Variants in SORCS1 observed in about 807,000 individuals in gnomAD.
The protein encoded by SORCS1 is sortilin related VPS10 domain containing receptor 1.
In SORCS1, 60 loss-of-function variants were observed where a neutral mutation model predicts 146.1. The ratio of observed to expected loss-of-function variants is 0.41; its 90% CI spans 0.33 to 0.51. The LOEUF (loss-of-function observed/expected upper bound fraction) is 0.51. Among genes scored for constraint, SORCS1 ranks in the 20% least tolerant of loss-of-function variants. SORCS1 has a pLI of 0.21. For synonymous variants in SORCS1, 637 were observed against 584.0 expected, an observed-to-expected ratio of 1.09 and a Z score of -1.31; for missense variants, 1,352 against 1,487.6, an observed-to-expected ratio of 0.91 and a Z score of 1.50.
intron 1 of SORCS1, among the ~76,000 whole-genome samples, chr10:107,138,695 C>A (rs1967545815): frequency 6.6e-6 from 1 of 152,136 alleles, no homozygotes; most frequent in Non-Finnish European, 1.5e-5. Context: ...TTCATAAGTG[C>A]ACTTCATGTG....
chr10:106,618,405 C>G, intron 20 of SORCS1, 133 bp from the exon 21 acceptor site: 8 of 1,063,682 alleles, frequency 7.5e-6, no homozygotes, highest in Non-Finnish European at 9.3e-6. Context: ...GGCACTGAGT[C>G]CCTCTATGCC....
At chr10:106,910,308 T>C (rs1290348288) in intron 2 of SORCS1, among the ~76,000 whole-genome samples, 1 of 131,112 alleles carries the variant, frequency 7.6e-6, no homozygotes, top group Non-Finnish European at 1.6e-5. Flanking sequence ...TGTGTGTGTG[T>C]GTGTGTGAGA....
intron 3 of SORCS1, among the ~76,000 whole-genome samples, chr10:106,793,070 T>C (rs1157622714): frequency 6.6e-6 from 1 of 152,162 alleles, no homozygotes; most frequent in African/African-American, 2.4e-5. Flanking sequence ...AAAAAGACAC[T>C]AAATGCCTTA....
At chr10:106,842,758 C>G (rs1949106645) in intron 2 of SORCS1, among the ~76,000 whole-genome samples, 1 of 151,574 alleles carries the variant, frequency 6.6e-6, no homozygotes, top group Non-Finnish European at 1.5e-5. Context: ...GGATTGCAGG[C>G]ATGTGTCACC....
At chr10:106,776,867 C>T (rs1031779921) in intron 3 of SORCS1, among the ~76,000 whole-genome samples, 175 bp from the exon 4 acceptor site, 1 of 152,162 alleles carries the variant, frequency 6.6e-6, no homozygotes, top group African/African-American at 2.4e-5. Flanking sequence ...ATCAATGCTA[C>T]AGAAATATTT....
intron 1 of SORCS1, among the ~76,000 whole-genome samples, chr10:106,963,550 T>A (rs1484096180): frequency 6.6e-6 from 1 of 152,186 alleles, no homozygotes; most frequent in South Asian, 2.1e-4. Context: ...ACTTTCCAAC[T>A]TAAACAGAGG....
chr10:106,669,904 TAA>T (rs558231914), intron 16 of SORCS1, among the ~76,000 whole-genome samples: 24 of 152,344 alleles, frequency 1.6e-4, no homozygotes, highest in African/African-American at 5.3e-4. Flanking sequence ...ATGTCTACCA[TAA>T]GAGAAGGCTT....
intron 1 of SORCS1, among the ~76,000 whole-genome samples, chr10:107,136,719 G>A (rs1967331359): frequency 6.6e-6 from 1 of 152,126 alleles, no homozygotes; most frequent in Non-Finnish European, 1.5e-5. Flanking sequence ...GCACAGGGAG[G>A]TGAAACATCA....
chr10:106,642,211 G>C (rs1358476221), intron 18 of SORCS1, among the ~76,000 whole-genome samples: 1 of 152,188 alleles, frequency 6.6e-6, no homozygotes, highest in African/African-American at 2.4e-5. Flanking sequence ...AAGACTGTAG[G>C]AGAAAGTTGA....
At chr10:107,074,583 T>C (rs1490451977) in intron 1 of SORCS1, among the ~76,000 whole-genome samples, 1 of 152,198 alleles carries the variant, frequency 6.6e-6, no homozygotes, top group Non-Finnish European at 1.5e-5. Flanking sequence ...TGCTGGATCA[T>C]TTGGTAAGAG....
chr10:106,888,570 C>T (rs992060362), intron 2 of SORCS1, among the ~76,000 whole-genome samples: 2 of 152,150 alleles, frequency 1.3e-5, no homozygotes, highest in Non-Finnish European at 2.9e-5. Flanking sequence ...ATCAATTAGC[C>T]TTGGTTACAT....
chr10:107,006,764 C>T (rs577766214), intron 1 of SORCS1, among the ~76,000 whole-genome samples: 4 of 152,298 alleles, frequency 2.6e-5, no homozygotes, highest in African/African-American at 4.8e-5. Context: ...TTGCAGTGAG[C>T]CGAGATTGTG....
In SORCS1 at chr10:107,164,372, G is replaced by A. The variant is rs543241575; in HGVS notation, c.155C>T (p.Thr52Ile). ...CCCCTGGTGGGAAAAGCCCCTAGGGGTCGAGGCCGAGCGTGGAGCGGAGCT... is the reference window on the plus strand; with the variant it reads ...CCCCTGGTGGGAAAAGCCCCTAGGGATCGAGGCCGAGCGTGGAGCGGAGCT... ...HPSSAPRSAS[T>I]PRGFSHQGRP... is the part of the protein sequence containing the mutation. The change falls in exon 1 of 26, where the codon ACC becomes ATC. Residue 52 changes from threonine (T) to isoleucine (I), a missense_variant. Coordinates refer to ENST00000263054, the MANE Select transcript of SORCS1 (RefSeq NM_052918.5). This position sits in a 1 kb window ranked among gnomAD's most constrained non-coding sequence, Gnocchi z 6.8. 1.2e-3 allele frequency: 1,740 copies of A among 1,476,708 alleles called. 7 individuals are homozygous for A. The highest frequency in any genetic ancestry group is 6.8e-3 in the South Asian group (507 of 74,934). 91.5% of individuals were successfully genotyped at this position (1,476,708 alleles called of 1,614,324 possible). A position where few individuals can be genotyped will look rare whatever the true frequency, so the allele number is the denominator to read the frequency against.
At chr10:106,985,319 C>CGTTATAAACGTATTT (rs1326312133) in intron 1 of SORCS1, among the ~76,000 whole-genome samples, 71 of 152,186 alleles carry the variant, frequency 4.7e-4, no homozygotes, top group African/African-American at 1.4e-3. Flanking sequence ...ACGTTATAAA[C>CGTTATAAACGTATTT]CAAGTTGAAG....
intron 2 of SORCS1, among the ~76,000 whole-genome samples, chr10:106,897,844 A>G (rs1235138210): frequency 6.6e-6 from 1 of 152,228 alleles, no homozygotes; most frequent in African/African-American, 2.4e-5. Flanking sequence ...TTGAACTTTG[A>G]GAAACATAAG....
rs181629283 is a variant in SORCS1, at chr10:106,976,425, G to A, written c.559-19845C>T. ...CGGCTCACTGCAAGCTCCGCCTCCC[G>A]GGTTCACGCCATTCTCCTGCCTTAG... On this transcript the variant is annotated intron_variant, in intron 1 of 25. Coordinates refer to ENST00000263054, the MANE Select transcript of SORCS1 (RefSeq NM_052918.5). Among the ~76,000 whole-genome samples the A allele has an allele frequency of 1.2e-3, 171 of 146,294 alleles. 1 individual carries two copies. The highest frequency in any genetic ancestry group is 3.2e-3 in the African/African-American group (127 of 40,140).
intron 1 of SORCS1, among the ~76,000 whole-genome samples, chr10:107,141,841 G>C (rs1424007090): frequency 1.3e-5 from 2 of 152,190 alleles, no homozygotes; most frequent in Non-Finnish European, 2.9e-5. Flanking sequence ...GTGATTTTCT[G>C]TCTGTGGCAC....
At chr10:107,130,837 T>G (rs1033267026) in intron 1 of SORCS1, among the ~76,000 whole-genome samples, 106 of 152,260 alleles carry the variant, frequency 7.0e-4, no homozygotes, top group African/African-American at 2.5e-3. Flanking sequence ...ACAATCCAGT[T>G]GCGGTAAGTA....
intron 1 of SORCS1, among the ~76,000 whole-genome samples, chr10:107,156,375 T>C (rs1969283619): frequency 6.6e-6 from 1 of 152,218 alleles, no homozygotes; most frequent in South Asian, 2.1e-4. Context: ...AGAATGAGGA[T>C]AACAGTACGT....
Sources: allele counts gnomAD v4.1 joint callset (sites outside exome capture counted in the v4.1 genomes callset), GRCh38; gene constraint gnomAD v4.1.1; non-coding constraint Gnocchi (gnomAD v3.1); transcripts MANE v1.5; gene names NCBI Gene and HGNC (gene_info 2026-07-23, HGNC 2026-07-21).